IARS2: variants seen among roughly 807,000 people sequenced by gnomAD.
The protein encoded by IARS2 is isoleucyl-tRNA synthetase 2, mitochondrial, also known as isoleucine--tRNA ligase, mitochondrial.
A neutral mutation model predicts 126.3 loss-of-function variants in IARS2; 56 were observed. The ratio of observed to expected loss-of-function variants is 0.44; its 90% CI spans 0.36 to 0.55. The LOEUF is 0.55. IARS2 is among the 20% of genes least tolerant of loss of function. The pLI is 0.00. For synonymous variants in IARS2, 407 were observed against 441.1 expected (o/e 0.92, Z 0.97); for missense variants, 1,127 against 1,245.9 (o/e 0.90, Z 1.44).
rs1220356131 is a variant in IARS2 at position 220,106,167 on chromosome 1, A to G, written c.1236+107A>G. Reference sequence around the variant, plus strand: ...AAAAATGATGACTTTTGTCATCATAATTGTGAAATGCTCAGGTTTGTGTAG... The same window carrying G: ...AAAAATGATGACTTTTGTCATCATAGTTGTGAAATGCTCAGGTTTGTGTAG... On this transcript the variant is annotated intron_variant, in intron 9 of 22. Coordinates refer to ENST00000366922, the MANE Select transcript of IARS2 (RefSeq NM_018060.4). 4 of 921,914 alleles carry G rather than the reference A, an allele frequency of 4.3e-6. No individual in the cohort carries two copies. In the Admixed American group the frequency reaches 8.0e-5, roughly 18 times the overall value. The allele number at this position is 921,914 out of a possible 1,614,324, so 57.1% of individuals were successfully genotyped here.
At chr1:220,137,275 G>T (rs1346179137) in intron 16 of IARS2, among the ~76,000 whole-genome samples, 2 of 152,120 alleles carry the variant, frequency 1.3e-5, no homozygotes, top group Non-Finnish European at 2.9e-5. Context: ...AGTGAAAAAA[G>T]AATATGTAAA....
intron 2 of IARS2, among the ~76,000 whole-genome samples, chr1:220,098,496 T>C (rs1296097804): frequency 1.3e-5 from 2 of 152,168 alleles, no homozygotes; most frequent in African/African-American, 2.4e-5. Context: ...TTTGCTTTTT[T>C]CTCCATAGTG....
Position 220,132,176 on chromosome 1 carries a change from G to T in IARS2, c.1838-2226G>T, listed in dbSNP as rs114607815. Among the ~76,000 whole-genome samples the T allele has an allele frequency of 7.0e-3, 1,063 of 152,230 alleles. 11 individuals are homozygous for T. Among genetic ancestry groups the T allele is most frequent in the African/African-American group, 0.023 (954 of 41,536 alleles). Reference sequence around the variant, plus strand: ...TTTGTTGTGTCTTTGCCTGGTTTTGGTATCAGGGTAATGCTGGCTTTGTAC... The same window carrying T: ...TTTGTTGTGTCTTTGCCTGGTTTTGTTATCAGGGTAATGCTGGCTTTGTAC... On this transcript the variant is annotated intron_variant, in intron 14 of 22. Coordinates refer to ENST00000366922, the MANE Select transcript of IARS2 (RefSeq NM_018060.4).
At chr1:220,103,606 G>A in intron 8 of IARS2, 44 bp downstream of exon 8, 1 of 1,243,544 alleles carries the variant, frequency 8.0e-7, no homozygotes, top group Non-Finnish European at 1.2e-6. Context: ...TCAAAGTATT[G>A]GGCTGACTTG....
intron 18 of IARS2, among the ~76,000 whole-genome samples, chr1:220,139,825 T>C (rs142027978): frequency 8.5e-5 from 13 of 152,296 alleles, no homozygotes; most frequent in African/African-American, 2.9e-4. Flanking sequence ...GAGGTGTACA[T>C]ACCAATTTTG....
chr1:220,112,124 C>CTTTTTTTTTTTTTTTTTTT (rs1279509771), intron 11 of IARS2, among the ~76,000 whole-genome samples: 1 of 114,740 alleles, frequency 8.7e-6, no homozygotes, highest in African/African-American at 3.4e-5. Flanking sequence ...CGACCACCTA[C>CTTTTTTTTTTTTTTTTTTT]TTTTTTTTTT....
intron 14 of IARS2, among the ~76,000 whole-genome samples, chr1:220,129,204 A>C (rs1260721442): frequency 6.6e-6 from 1 of 152,166 alleles, no homozygotes; most frequent in Non-Finnish European, 1.5e-5. Context: ...TCTTAACCAA[A>C]TGATTTTCAC....
intron 20 of IARS2, among the ~76,000 whole-genome samples, 173 bp downstream of exon 20, chr1:220,142,121 A>G (rs1332494516): frequency 6.6e-6 from 1 of 152,246 alleles, no homozygotes; most frequent in African/African-American, 2.4e-5. Context: ...GGAGTAGGGT[A>G]AATTTCAGAA....
At chr1:220,104,289 T>C (rs777590588) in intron 8 of IARS2, among the ~76,000 whole-genome samples, 2 of 152,142 alleles carry the variant, frequency 1.3e-5, no homozygotes, top group Non-Finnish European at 2.9e-5. Flanking sequence ...AAATAATTCT[T>C]TGTGAGCTAT....
intron 10 of IARS2, among the ~76,000 whole-genome samples, chr1:220,110,321 A>C (rs1005772675): frequency 6.6e-6 from 1 of 151,452 alleles, no homozygotes; most frequent in Non-Finnish European, 1.5e-5. Context: ...CTGCCTCCCA[A>C]ACTGTTGGGA....
intron 2 of IARS2, among the ~76,000 whole-genome samples, chr1:220,097,739 T>C (rs1656477055): frequency 6.6e-6 from 1 of 152,140 alleles, no homozygotes; most frequent in Non-Finnish European, 1.5e-5. Flanking sequence ...TCTGAATCAG[T>C]CATTGCAGAC....
chr1:220,127,551 A>T lies in IARS2; in HGVS notation c.1837+708A>T, dbSNP rs564215711. ...GTTCAAATGAAGAACAAGGCTTGTT[A>T]TCACTGTGAAGTTGGAGACAGGGAT... On this transcript the variant is annotated intron_variant, in intron 14 of 22. Coordinates refer to ENST00000366922, the MANE Select transcript of IARS2 (RefSeq NM_018060.4). Among the ~76,000 whole-genome samples the T allele has an allele frequency of 1.2e-3, 176 of 152,346 alleles. 1 individual carries two copies. The highest frequency in any genetic ancestry group is 3.8e-3 in the African/African-American group (159 of 41,590).
chr1:220,110,527 G>A (rs562534108), intron 10 of IARS2, among the ~76,000 whole-genome samples: 26 of 152,152 alleles, frequency 1.7e-4, no homozygotes, highest in African/African-American at 5.8e-4. Context: ...CACCATGCCC[G>A]GCTGATTTTT....
At chr1:220,137,630 T>C (rs1657402111) in intron 16 of IARS2, 1 of 292,414 alleles carries the variant, frequency 3.4e-6, no homozygotes, top group South Asian at 5.6e-5. Flanking sequence ...CACTGCTGTG[T>C]GTCTAACCAC....
At position 220,140,238 on chromosome 1, in the gene IARS2, C is replaced by T. The variant is rs758287733; in HGVS notation, c.2363C>T (p.Thr788Met). 9 of 1,612,418 alleles carry T rather than the reference C, an allele frequency of 5.6e-6. No individual in the cohort carries two copies. The highest frequency in any genetic ancestry group is 2.2e-5 in the East Asian group (1 of 44,862). ...DFGKVVRLLRTFYTRELSNFY... is the reference protein window; with the variant it reads ...DFGKVVRLLRMFYTRELSNFY... Reference sequence around the variant, plus strand: ...GGAAAAGTTGTTCGGCTGTTACGGACGTTTTATACCAGAGAGCTCTCTAAC... The same window carrying T: ...GGAAAAGTTGTTCGGCTGTTACGGATGTTTTATACCAGAGAGCTCTCTAAC... Residue 788 changes from threonine (T) to methionine (M), a missense_variant, in exon 19 of 23, where the codon ACG (threonine) becomes ATG (methionine). By Grantham distance (81) the Thr-to-Met change is moderately conservative. Transcript: ENST00000366922.
intron 18 of IARS2, 54 bp downstream of exon 18, chr1:220,139,193 G>A (rs1311782178): frequency 1.3e-6 from 2 of 1,494,682 alleles, no homozygotes; most frequent in Admixed American, 3.9e-5. Context: ...ACTATTGTAG[G>A]TTAAAATTTT....
intron 15 of IARS2, among the ~76,000 whole-genome samples, chr1:220,135,442 C>A (rs1328504637): frequency 6.6e-6 from 1 of 151,746 alleles, no homozygotes; most frequent in Non-Finnish European, 1.5e-5. Flanking sequence ...CTCACTGCAG[C>A]CTCTGTCTCC....
chr1:220,125,915 G>C (rs996464864), intron 13 of IARS2, among the ~76,000 whole-genome samples: 1 of 151,404 alleles, frequency 6.6e-6, no homozygotes, highest in Non-Finnish European at 1.5e-5. Context: ...GACCATCCTG[G>C]CTAATACAGT....
intron 22 of IARS2, 49 bp downstream of exon 22, chr1:220,145,702 T>C (rs1375559279): frequency 2.0e-6 from 3 of 1,502,680 alleles, no homozygotes; most frequent in Non-Finnish European, 2.7e-6. Context: ...ATTGAATAAT[T>C]ATAGGTCATC....
Sources: allele counts gnomAD v4.1 joint callset (sites outside exome capture counted in the v4.1 genomes callset), GRCh38; gene constraint gnomAD v4.1.1; transcripts MANE v1.5; gene names NCBI Gene and HGNC (gene_info 2026-07-23, HGNC 2026-07-21).